Variants in PRKCB observed in about 807,000 individuals in gnomAD.
PRKCB encodes protein kinase C beta.
A neutral mutation model predicts 81.5 loss-of-function variants in PRKCB; 13 were observed. The observed-to-expected ratio is 0.16, with a 90% CI of 0.10 to 0.25. The LOEUF is 0.25. Among genes scored for constraint, PRKCB ranks in the 10% least tolerant of loss-of-function variants. The probability of loss-of-function intolerance (pLI) is 1.00; values close to 1 mark genes in which losing one functional copy is unlikely to be tolerated. For synonymous variants in PRKCB, 335 were observed against 321.4 expected (o/e 1.04, Z -0.45); for missense variants, 509 against 875.7 (o/e 0.58, Z 5.29).
At chr16:23,966,097 T>G (rs1367650179) in intron 2 of PRKCB, among the ~76,000 whole-genome samples, 1 of 152,224 alleles carries the variant, frequency 6.6e-6, no homozygotes, top group Non-Finnish European at 1.5e-5. Flanking sequence ...AAGCACCTTC[T>G]GAGATGGCTT....
chr16:23,995,872 G>A (rs1314017056), intron 3 of PRKCB, among the ~76,000 whole-genome samples: 1 of 152,096 alleles, frequency 6.6e-6, no homozygotes. Flanking sequence ...AGATGTTTCT[G>A]TACGGTGTGC....
chr16:24,072,229 C>G (rs1312927773), intron 5 of PRKCB, among the ~76,000 whole-genome samples: 2 of 152,108 alleles, frequency 1.3e-5, no homozygotes, highest in Admixed American at 1.3e-4. Flanking sequence ...GACTACCCAT[C>G]CCTGCCTTCT....
intron 2 of PRKCB, among the ~76,000 whole-genome samples, chr16:23,865,512 T>G (rs1962770995): frequency 1.9e-4 from 3 of 15,732 alleles, no homozygotes; most frequent in Non-Finnish European, 3.2e-4. Context: ...TATATATATA[T>G]ATATATGTGT....
In PRKCB at chr16:24,217,387, G is replaced by A; in HGVS notation, c.*2571G>A. On this transcript the variant is annotated 3_prime_UTR_variant, in exon 17 of 17. Coordinates refer to ENST00000643927, the MANE Select transcript of PRKCB (RefSeq NM_002738.7). The stretch of plus-strand genomic sequence containing the variant: ...TGAGAAACAGAGCTTTTTGAAGAGA[G>A]GACAGGGCCATAGCAACAAGGACCT... 1 of 985,396 alleles carries A rather than the reference G, an allele frequency of 1.0e-6. No homozygotes were observed. The highest frequency in any genetic ancestry group is 1.7e-5 in the African/African-American group (1 of 57,356). The allele number at this position is 985,396 out of a possible 1,614,324, so 61.0% of individuals were successfully genotyped here.
intron 2 of PRKCB, among the ~76,000 whole-genome samples, chr16:23,875,619 T>TGTGTATATCAAACAC: frequency 2.9e-5 from 1 of 34,296 alleles, no homozygotes; most frequent in South Asian, 1.4e-3. Flanking sequence ...ATCACACACA[T>TGTGTATATCAAACAC]ATATGTATGT....
chr16:23,947,260 A>C (rs1207662450), intron 2 of PRKCB, among the ~76,000 whole-genome samples: 7 of 152,098 alleles, frequency 4.6e-5, no homozygotes, highest in Admixed American at 2.6e-4. Context: ...GACCTCTAAG[A>C]CTGCTCTTCT....
chr16:23,914,823 A>C (rs546423906), intron 2 of PRKCB, among the ~76,000 whole-genome samples: 1 of 152,204 alleles, frequency 6.6e-6, no homozygotes, highest in African/African-American at 2.4e-5. Flanking sequence ...CCAGCTCTGC[A>C]GTGGACTGTA....
At chr16:24,061,918 A>T (rs1431903330) in intron 5 of PRKCB, among the ~76,000 whole-genome samples, 4 of 148,864 alleles carry the variant, frequency 2.7e-5, no homozygotes, top group Admixed American at 6.7e-5. Context: ...AATAAAAAAA[A>T]AAAAAAAAAA....
At chr16:24,200,795 A>G (rs1277618713) in intron 16 of PRKCB, among the ~76,000 whole-genome samples, 1 of 152,222 alleles carries the variant, frequency 6.6e-6, no homozygotes, top group Non-Finnish European at 1.5e-5. Flanking sequence ...AGTTCTCATG[A>G]GGTGCCACCT....
chr16:24,180,319 A>G (rs1967598774), intron 12 of PRKCB, among the ~76,000 whole-genome samples: 1 of 152,206 alleles, frequency 6.6e-6, no homozygotes, highest in African/African-American at 2.4e-5. Flanking sequence ...ATCAGGGAAC[A>G]CTTAGCATTA....
intron 9 of PRKCB, among the ~76,000 whole-genome samples, chr16:24,142,921 C>G (rs1966923914): frequency 6.6e-6 from 1 of 151,994 alleles, no homozygotes. Flanking sequence ...CAAACCTGCT[C>G]CCTAGTGCTG....
intron 9 of PRKCB, among the ~76,000 whole-genome samples, chr16:24,137,035 G>A (rs1288865085): frequency 6.8e-6 from 1 of 146,476 alleles, no homozygotes; most frequent in Non-Finnish European, 1.5e-5. Flanking sequence ...ATGCCACCAT[G>A]CCCGGCTAAT....
chr16:23,881,258 T>TG (rs1442175976), intron 2 of PRKCB, among the ~76,000 whole-genome samples: 1 of 150,942 alleles, frequency 6.6e-6, no homozygotes, highest in Non-Finnish European at 1.5e-5. Context: ...TCCCAGTTTT[T>TG]TTTTTTTTTT....
chr16:23,960,622 C>T (rs196006), intron 2 of PRKCB, among the ~76,000 whole-genome samples: 1,727 of 152,272 alleles, frequency 0.011, 19 homozygotes, highest in Non-Finnish European at 0.018. Flanking sequence ...GATGCTCTCC[C>T]TCTTCCCTCC....
At chr16:23,911,127 G>GTTTTTTTTTTTTTT (rs1567310884) in intron 2 of PRKCB, among the ~76,000 whole-genome samples, 30 of 11,778 alleles carry the variant, frequency 2.5e-3, no homozygotes, top group Non-Finnish European at 4.0e-3. Context: ...ACGTATATAT[G>GTTTTTTTTTTTTTT]CTTTTTTTTT....
chr16:24,176,426 AT>A (rs770726287), intron 12 of PRKCB, among the ~76,000 whole-genome samples: 1 of 152,152 alleles, frequency 6.6e-6, no homozygotes, highest in Non-Finnish European at 1.5e-5. Context: ...AAAAAGAAGA[AT>A]TTAAATTTTA....
chr16:23,980,572 G>C (rs1309259253), intron 2 of PRKCB, among the ~76,000 whole-genome samples: 2 of 152,200 alleles, frequency 1.3e-5, no homozygotes, highest in African/African-American at 4.8e-5. Context: ...GTAGTAAAAT[G>C]AGTGTTCAAA....
intron 8 of PRKCB, among the ~76,000 whole-genome samples, chr16:24,117,480 T>G (rs916039994): frequency 3.5e-4 from 53 of 152,346 alleles, no homozygotes; most frequent in African/African-American, 1.2e-3. Context: ...TGATTCTAAG[T>G]GCTTTGCAAA....
intron 2 of PRKCB, among the ~76,000 whole-genome samples, chr16:23,882,021 T>TCTTCCTTCCTTCCTTCCTTCCTTC (rs1159121217): frequency 2.2e-4 from 12 of 55,638 alleles, no homozygotes; most frequent in South Asian, 8.6e-4. Context: ...TTTCTTTCTT[T>TCTTCCTTCCTTCCTTCCTTCCTTC]CTTCCTTCCT....
Sources: gnomAD v4.1 joint callset for allele counts (sites outside exome capture counted in the v4.1 genomes callset) on GRCh38, gnomAD v4.1.1 for gene constraint, MANE v1.5 for transcripts, NCBI Gene and HGNC (gene_info 2026-07-23, HGNC 2026-07-21) for gene names.